PSD3: variants seen among roughly 807,000 people sequenced by gnomAD.
PSD3 encodes the protein pleckstrin and Sec7 domain containing 3.
In PSD3, 49 loss-of-function variants were observed where a neutral mutation model predicts 105.5. The ratio of observed to expected loss-of-function variants is 0.46; its 90% CI spans 0.37 to 0.59. The LOEUF is 0.59. Among genes scored for constraint, PSD3 ranks in the 20% least tolerant of loss-of-function variants. The pLI is 0.00. For missense variants in PSD3, 1,561 were observed against 1,263.8 expected (o/e 1.24, Z -3.57); for synonymous variants, 557 against 457.8 (o/e 1.22, Z -2.77).
rs553440833 is a variant in PSD3, at chr8:18,804,848, C to T, written c.1685G>A (p.Ser562Asn). 1.1e-5 allele frequency: 17 copies of T among 1,613,198 alleles called. No individual in the cohort carries two copies. The highest frequency in any genetic ancestry group is 3.3e-5 in the South Asian group (3 of 91,066). ...TRLEAHSEMG[S>N]TEILEKETPE... The stretch of plus-strand genomic sequence containing the variant: ...GGTCTCCTTTTCCAAAATTTCAGTG[C>T]TCCCCATTTCAGAATGAGCTTCTAG... The change falls in exon 5 of 16, where the codon AGC (serine) becomes AAC (asparagine). Residue 562 changes from serine to asparagine, a missense_variant. Coordinates refer to ENST00000327040, the MANE Select transcript of PSD3 (RefSeq NM_015310.4).
rs538185307 is a variant in PSD3 at position 18,872,607 on chromosome 8, C to T, written c.257G>A (p.Cys86Tyr). 814 of 1,614,090 alleles carry T rather than the reference C, an allele frequency of 5.0e-4. 10 individuals carry two copies. In the South Asian group the frequency reaches 8.2e-3, roughly 16 times the overall value. Residue 86 changes from cysteine (C) to tyrosine (Y), a missense_variant, in exon 3 of 16, where the codon TGC (cysteine) becomes TAC (tyrosine). Cys to Tyr is a radical substitution (Grantham distance 194). Coordinates refer to ENST00000327040, the MANE Select transcript of PSD3 (RefSeq NM_015310.4). ...SLEFDGEALPCHPQEQQGVQP... is the reference protein window; with the variant it reads ...SLEFDGEALPYHPQEQQGVQP... ...GACACCCTGCTGCTCTTGTGGGTGGCATGGCAGAGCCTCACCATCAAATTC... is the reference window on the plus strand; with the variant it reads ...GACACCCTGCTGCTCTTGTGGGTGGTATGGCAGAGCCTCACCATCAAATTC...
At chr8:18,882,424 T>C (rs1265106990) in intron 2 of PSD3, among the ~76,000 whole-genome samples, 1 of 152,060 alleles carries the variant, frequency 6.6e-6, no homozygotes, top group Non-Finnish European at 1.5e-5. Flanking sequence ...TTGTGGACCA[T>C]GAATGCATCA....
chr8:18,594,422 CATTA>C (rs1210087933), intron 12 of PSD3, among the ~76,000 whole-genome samples: 1 of 115,596 alleles, frequency 8.7e-6, no homozygotes, highest in African/African-American at 3.6e-5. Flanking sequence ...AAATAATATA[CATTA>C]TATATAATAT....
In PSD3 at chr8:18,972,900, G is replaced by A. The variant is rs147276650; in HGVS notation, c.22-36758C>T. Among the ~76,000 whole-genome samples, 654 of 152,314 alleles carry A rather than the reference G, an allele frequency of 4.3e-3. 16 individuals carry two copies. The highest frequency in any genetic ancestry group is 0.038 in the Admixed American group (575 of 15,290). On this transcript the variant is annotated intron_variant, in intron 1 of 15. Coordinates refer to ENST00000327040, the MANE Select transcript of PSD3 (RefSeq NM_015310.4). ...GCATCACTGGGCAAGTAGGTAGGCTGGCTGGGCCACCCTTCAAAGGTCCTG... is the reference window on the plus strand; with the variant it reads ...GCATCACTGGGCAAGTAGGTAGGCTAGCTGGGCCACCCTTCAAAGGTCCTG...
intron 8 of PSD3, among the ~76,000 whole-genome samples, chr8:18,797,854 C>T (rs1330772475): frequency 6.6e-6 from 1 of 152,038 alleles, no homozygotes; most frequent in Middle Eastern, 3.2e-3. Flanking sequence ...TTGATGGAAC[C>T]TCAAAATATC....
At chr8:18,644,603 G>A (rs1807890528) in intron 10 of PSD3, among the ~76,000 whole-genome samples, 1 of 152,268 alleles carries the variant, frequency 6.6e-6, no homozygotes, top group Non-Finnish European at 1.5e-5. Context: ...AGAAGTCCCA[G>A]ATGGTCCTTA....
chr8:18,885,168 C>T (rs1818376096), intron 2 of PSD3, among the ~76,000 whole-genome samples: 1 of 152,128 alleles, frequency 6.6e-6, no homozygotes, highest in South Asian at 2.1e-4. Context: ...ACCTTCTGAT[C>T]AGGGATGCCC....
chr8:19,016,252 G>A (rs2129475672), upstream of PSD3, among the ~76,000 whole-genome samples: 1 of 152,224 alleles, frequency 6.6e-6, no homozygotes, highest in East Asian at 1.9e-4. Context: ...CCTAGGCATG[G>A]GCTAGTGTAT....
At chr8:18,815,623 T>C (rs1395461690) in intron 4 of PSD3, among the ~76,000 whole-genome samples, 1 of 152,192 alleles carries the variant, frequency 6.6e-6, no homozygotes, top group Non-Finnish European at 1.5e-5. Context: ...TTTCTTCAAA[T>C]TCTTACGACA....
chr8:18,892,162 CACTT>C (rs1395262719), intron 2 of PSD3, among the ~76,000 whole-genome samples: 3 of 115,176 alleles, frequency 2.6e-5, no homozygotes, highest in African/African-American at 3.8e-5. Flanking sequence ...TGTTTGCTGT[CACTT>C]ACTTACAATC....
At chr8:18,709,748 C>T (rs1802132878) in intron 9 of PSD3, among the ~76,000 whole-genome samples, 1 of 152,108 alleles carries the variant, frequency 6.6e-6, no homozygotes, top group Non-Finnish European at 1.5e-5. Context: ...ACCACAGCAG[C>T]CCTATGGAAG....
rs1054521297 is a variant in PSD3 at position 18,544,722 on chromosome 8, G to C, written c.2929-8764C>G. Among the ~76,000 whole-genome samples the C allele has an allele frequency of 8.5e-5, 13 of 152,144 alleles. No homozygotes were observed. In the East Asian group the frequency reaches 1.9e-3, roughly 23 times the overall value. ...AGCTCAACACTAGCACAGTCCAGGA[G>C]GCCTGGGTCTGTAGAAAGTGTTCTG... On this transcript the variant is annotated intron_variant, in intron 15 of 15. Transcript: ENST00000327040.
chr8:18,638,069 T>C (rs1018204966), intron 10 of PSD3, among the ~76,000 whole-genome samples: 2 of 150,410 alleles, frequency 1.3e-5, no homozygotes, highest in Non-Finnish European at 2.9e-5. Context: ...AGCAGAGAAC[T>C]GCTTGAACCT....
intron 9 of PSD3, among the ~76,000 whole-genome samples, chr8:18,657,484 G>T (rs1808987797): frequency 6.6e-6 from 1 of 152,094 alleles, no homozygotes; most frequent in Non-Finnish European, 1.5e-5. Context: ...GACATGATAG[G>T]TATTCTCAAA....
At chr8:18,893,690 G>A (rs1043977607) in intron 2 of PSD3, among the ~76,000 whole-genome samples, 2 of 151,788 alleles carry the variant, frequency 1.3e-5, no homozygotes, top group Non-Finnish European at 2.9e-5. Flanking sequence ...TAGAGGGCAG[G>A]GAAGCAGGAT....
chr8:18,948,889 G>C (rs903489255), intron 1 of PSD3, among the ~76,000 whole-genome samples: 8 of 152,030 alleles, frequency 5.3e-5, no homozygotes, highest in Admixed American at 2.0e-4. Context: ...TCTCACCTTA[G>C]TTTGCTATAT....
intron 1 of PSD3, among the ~76,000 whole-genome samples, chr8:18,986,398 T>C (rs1460254576): frequency 6.6e-6 from 1 of 152,144 alleles, no homozygotes; most frequent in Non-Finnish European, 1.5e-5. Context: ...TCTGATTTAA[T>C]TCCCAGAACA....
At chr8:18,796,465 G>C (rs1472734805) in intron 8 of PSD3, among the ~76,000 whole-genome samples, 1 of 152,114 alleles carries the variant, frequency 6.6e-6, no homozygotes, top group Non-Finnish European at 1.5e-5. Flanking sequence ...TTGTTGAAGG[G>C]GAAAGTTAGA....
chr8:18,947,611 G>A (rs752955091), intron 1 of PSD3, among the ~76,000 whole-genome samples: 3 of 152,174 alleles, frequency 2.0e-5, no homozygotes, highest in Non-Finnish European at 4.4e-5. Flanking sequence ...GGCTTCCATC[G>A]ACACACATGT....
Sources: allele counts gnomAD v4.1 joint callset (sites outside exome capture counted in the v4.1 genomes callset), GRCh38; gene constraint gnomAD v4.1.1; transcripts MANE v1.5; gene names NCBI Gene and HGNC (gene_info 2026-07-23, HGNC 2026-07-21).